The following ZNRF2 variants were observed in gnomAD, a reference collection of about 807,000 sequenced individuals.
ZNRF2 encodes zinc and ring finger 2.
A neutral mutation model predicts 20.4 loss-of-function variants in ZNRF2; 16 were observed. The ratio of observed to expected loss-of-function variants is 0.79; its 90% CI spans 0.53 to 1.19. ZNRF2 has a LOEUF of 1.19. Among genes scored for constraint, ZNRF2 ranks in the 50% most tolerant of loss-of-function variants. The probability of loss-of-function intolerance (pLI) is 0.00; values close to 1 mark genes in which losing one functional copy is unlikely to be tolerated. For missense variants in ZNRF2, 363 were observed against 332.4 expected (o/e 1.09, Z -0.72); for synonymous variants, 178 against 144.9 (o/e 1.23, Z -1.64).
intron 1 of ZNRF2, among the ~76,000 whole-genome samples, chr7:30,304,286 C>T (rs1206894611): frequency 6.6e-6 from 1 of 152,038 alleles, no homozygotes; most frequent in Non-Finnish European, 1.5e-5. Context: ...GATGGCAGGT[C>T]CAAGTACTTA....
At chr7:30,329,317 T>A (rs1249461959) in intron 2 of ZNRF2, among the ~76,000 whole-genome samples, 1 of 152,312 alleles carries the variant, frequency 6.6e-6, no homozygotes, top group East Asian at 1.9e-4. Flanking sequence ...TTCTAGTTAT[T>A]TTGAAATACA....
At chr7:30,328,821 G>A (rs999069980) in intron 2 of ZNRF2, among the ~76,000 whole-genome samples, 5 of 152,164 alleles carry the variant, frequency 3.3e-5, no homozygotes, top group Admixed American at 3.3e-4. Flanking sequence ...GACGCCCAAG[G>A]CTGTCAGGGC....
chr7:30,294,844 A>G (rs1198997022), intron 1 of ZNRF2, among the ~76,000 whole-genome samples: 1 of 152,090 alleles, frequency 6.6e-6, no homozygotes, highest in Non-Finnish European at 1.5e-5. Context: ...TGTAAAGGAT[A>G]GAAGCATAAC....
intron 1 of ZNRF2, among the ~76,000 whole-genome samples, chr7:30,295,050 AGTGTGT>A (rs71536219): frequency 8.1e-3 from 310 of 38,060 alleles, no homozygotes; most frequent in Middle Eastern, 0.022. Flanking sequence ...AGAGAGAGAG[AGTGTGT>A]GTGTGTGTGT....
chr7:30,319,319 C>T (rs11974787), intron 1 of ZNRF2, among the ~76,000 whole-genome samples: 6,007 of 152,030 alleles, frequency 0.04, 394 homozygotes, highest in African/African-American at 0.14. Context: ...AAATGATAGC[C>T]ACTGTTTACT....
At chr7:30,348,576 G>C (rs1196006018) in intron 2 of ZNRF2, among the ~76,000 whole-genome samples, 8 of 152,112 alleles carry the variant, frequency 5.3e-5, no homozygotes, top group Admixed American at 5.2e-4. Flanking sequence ...ATATTCATCT[G>C]AATACCTATA....
At chr7:30,320,695 A>G (rs1799455412) in intron 1 of ZNRF2, among the ~76,000 whole-genome samples, 2 of 152,218 alleles carry the variant, frequency 1.3e-5, no homozygotes, top group Admixed American at 1.3e-4. Context: ...GTTTAGGTGT[A>G]TGCATTTTCA....
At chr7:30,329,094 T>G (rs1483341761) in intron 2 of ZNRF2, among the ~76,000 whole-genome samples, 2 of 152,218 alleles carry the variant, frequency 1.3e-5, no homozygotes, top group Non-Finnish European at 2.9e-5. Flanking sequence ...CCTTCTAGGA[T>G]ATTTCAGACA....
At position 30,326,725 on chromosome 7, in the gene ZNRF2, A is replaced by G. The variant is rs536482454; in HGVS notation, c.565+2988A>G. Among the ~76,000 whole-genome samples the G allele has an allele frequency of 1.1e-3, 173 of 152,248 alleles. 2 individuals are homozygous for G. The highest frequency in any genetic ancestry group is 2.0e-3 in the Non-Finnish European group (137 of 68,012). On this transcript the variant is annotated intron_variant, in intron 2 of 4. Coordinates refer to ENST00000323037, the MANE Select transcript of ZNRF2 (RefSeq NM_147128.4). ...AGGAATTGCCATACTGTCTTCCACA[A>G]TGGTTGAACTAATTTACACTCCCAC...
At chr7:30,349,246 AGAG>A (rs1296272245) in intron 2 of ZNRF2, among the ~76,000 whole-genome samples, 3 of 152,204 alleles carry the variant, frequency 2.0e-5, no homozygotes, top group Admixed American at 6.5e-5. Context: ...TGAGGCTCAA[AGAG>A]GTTTGTGACT....
At chr7:30,315,737 G>GGT (rs1799361879) in intron 1 of ZNRF2, among the ~76,000 whole-genome samples, 1 of 93,272 alleles carries the variant, frequency 1.1e-5, no homozygotes, top group Non-Finnish European at 2.2e-5. Flanking sequence ...CGGGGGGGGG[G>GGT]GGGTTGGGTA....
chr7:30,284,799 C>A lies in ZNRF2; in HGVS notation c.-559C>A. 1 of 190,510 alleles carries A rather than the reference C, an allele frequency of 5.2e-6. No individual in the cohort carries two copies. The highest frequency in any genetic ancestry group is 1.1e-5 in the Non-Finnish European group (1 of 88,070). The allele number at this position is 190,510 out of a possible 1,614,324, so 11.8% of individuals were successfully genotyped here. On this transcript the variant is annotated 5_prime_UTR_variant, in exon 1 of 5. Transcript: ENST00000323037. Reference sequence around the variant, plus strand: ...CTCTCCCTCCCATTTTTCGTTCTCCCCTCGCGCGCCACCCGTTTTTCCTCT... The same window carrying A: ...CTCTCCCTCCCATTTTTCGTTCTCCACTCGCGCGCCACCCGTTTTTCCTCT...
intron 2 of ZNRF2, among the ~76,000 whole-genome samples, chr7:30,347,744 C>T (rs1364210160): frequency 6.6e-6 from 1 of 151,944 alleles, no homozygotes; most frequent in African/African-American, 2.4e-5. Context: ...AATAACTTCA[C>T]ACTTGCTGTT....
intron 1 of ZNRF2, among the ~76,000 whole-genome samples, chr7:30,322,090 G>T (rs1021582862): frequency 6.6e-6 from 1 of 151,822 alleles, no homozygotes. Flanking sequence ...TAGGCCATGC[G>T]TTGGACAAAC....
At chr7:30,307,326 GTTTTTT>G (rs78007797) in intron 1 of ZNRF2, among the ~76,000 whole-genome samples, 6 of 43,232 alleles carry the variant, frequency 1.4e-4, no homozygotes, top group African/African-American at 3.6e-4. Flanking sequence ...GTTTTTTTTT[GTTTTTT>G]TTTTTTTTTT....
At chr7:30,290,884 C>CA (rs1798894737) in intron 1 of ZNRF2, among the ~76,000 whole-genome samples, 1 of 152,192 alleles carries the variant, frequency 6.6e-6, no homozygotes, top group Non-Finnish European at 1.5e-5. Context: ...AGGGGCTGGA[C>CA]ATTATAGATA....
At chr7:30,360,578 G>T (rs948370963) in intron 3 of ZNRF2, among the ~76,000 whole-genome samples, 1 of 151,990 alleles carries the variant, frequency 6.6e-6, no homozygotes, top group Admixed American at 6.6e-5. Flanking sequence ...TGTAATCCCA[G>T]CTACCCAGGA....
rs1378845492 is a variant in ZNRF2 at position 30,366,881 on chromosome 7, CTG to C, written c.*871_*872del. Reference sequence around the variant, plus strand: ...TTTCAAGTGCTGCCAGCTAAAATAACTGTTTTAACGGGTATCTTTTGTTTGTT... The same window carrying C: ...TTTCAAGTGCTGCCAGCTAAAATAACTTTTAACGGGTATCTTTTGTTTGTT... On this transcript the variant is annotated 3_prime_UTR_variant, in exon 5 of 5. Coordinates refer to ENST00000323037, the MANE Select transcript of ZNRF2 (RefSeq NM_147128.4). 6 of 152,624 alleles carry C rather than the reference CTG, an allele frequency of 3.9e-5. No individual in the cohort carries two copies. The highest frequency in any genetic ancestry group is 1.4e-4 in the African/African-American group (6 of 41,552). 9.5% of individuals were successfully genotyped at this position (152,624 alleles called of 1,614,324 possible).
intron 2 of ZNRF2, among the ~76,000 whole-genome samples, chr7:30,338,824 G>A (rs979004443): frequency 1.3e-5 from 2 of 152,006 alleles, no homozygotes; most frequent in African/African-American, 2.4e-5. Context: ...TGGTATTTCT[G>A]GTTCTAGATC....
Sources: gnomAD v4.1 joint callset for allele counts (sites outside exome capture counted in the v4.1 genomes callset) on GRCh38, gnomAD v4.1.1 for gene constraint, MANE v1.5 for transcripts, NCBI Gene and HGNC (gene_info 2026-07-23, HGNC 2026-07-21) for gene names.